Variants in ADAMTS17 observed in about 807,000 individuals in gnomAD.
ADAMTS17 encodes the protein ADAM metallopeptidase with thrombospondin type 1 motif 17.
A neutral mutation model predicts 141.5 loss-of-function variants in ADAMTS17; 113 were observed. The observed-to-expected ratio is 0.80, with a 90% CI of 0.69 to 0.93. The LOEUF (loss-of-function observed/expected upper bound fraction) is 0.93, where lower values mean the gene tolerates loss of function less well. Among genes scored for constraint, ADAMTS17 ranks in the 40% least tolerant of loss-of-function variants. The probability of loss-of-function intolerance (pLI) is 0.00; values close to 1 mark genes in which losing one functional copy is unlikely to be tolerated. For synonymous variants in ADAMTS17, 768 were observed against 630.6 expected, an observed-to-expected ratio of 1.22 and a Z score of -3.27; for missense variants, 1,659 against 1,517.9, an observed-to-expected ratio of 1.09 and a Z score of -1.54.
chr15:100,031,250 C>T (rs185120557), intron 18 of ADAMTS17, among the ~76,000 whole-genome samples: 129 of 152,270 alleles, frequency 8.5e-4, no homozygotes, highest in Non-Finnish European at 4.4e-4. Context: ...GGCTAGCTAC[C>T]GAACCTAACA....
intron 10 of ADAMTS17, among the ~76,000 whole-genome samples, chr15:100,144,700 C>A (rs2038817577): frequency 6.6e-6 from 1 of 152,002 alleles, no homozygotes; most frequent in Non-Finnish European, 1.5e-5. Context: ...CTTTCCTATC[C>A]TGGTTCACCA....
intron 1 of ADAMTS17, 86 bp from the exon 2 acceptor site, chr15:100,341,495 G>A (rs1416574606): frequency 1.0e-6 from 1 of 998,864 alleles, no homozygotes; most frequent in Admixed American, 6.0e-5. Flanking sequence ...GCCAGCGCGG[G>A]GACAGCGCGA....
At chr15:100,062,352 C>G (rs1170187790) in intron 15 of ADAMTS17, among the ~76,000 whole-genome samples, 1 of 152,130 alleles carries the variant, frequency 6.6e-6, no homozygotes, top group Non-Finnish European at 1.5e-5. Context: ...AGGGGGGGAT[C>G]CACAGAGTGT....
At chr15:100,002,544 A>T (rs1269450900) in intron 18 of ADAMTS17, among the ~76,000 whole-genome samples, 1 of 152,036 alleles carries the variant, frequency 6.6e-6, no homozygotes, top group Non-Finnish European at 1.5e-5. Flanking sequence ...TCCTGCCCTG[A>T]TGTCTCTACA....
chr15:100,310,012 G>C (rs758709087), intron 3 of ADAMTS17, among the ~76,000 whole-genome samples: 5 of 152,224 alleles, frequency 3.3e-5, no homozygotes, highest in African/African-American at 7.2e-5. Context: ...GGGATGCACA[G>C]ATGCTCTTGT....
intron 8 of ADAMTS17, among the ~76,000 whole-genome samples, chr15:100,193,765 C>A (rs2041009110): frequency 6.6e-6 from 1 of 152,216 alleles, no homozygotes; most frequent in Non-Finnish European, 1.5e-5. Flanking sequence ...CGGGCTGAGC[C>A]TCCCCACTAC....
At chr15:100,219,843 C>T (rs998483165) in intron 7 of ADAMTS17, among the ~76,000 whole-genome samples, 2 of 151,624 alleles carry the variant, frequency 1.3e-5, no homozygotes, top group African/African-American at 2.4e-5. Context: ...ACCATTCATC[C>T]CTCTAGTTCC....
intron 10 of ADAMTS17, among the ~76,000 whole-genome samples, chr15:100,140,900 C>G (rs1371082768): frequency 2.0e-5 from 3 of 152,152 alleles, no homozygotes; most frequent in African/African-American, 7.2e-5. Flanking sequence ...GGAAACACTG[C>G]TGGGCAGCAC....
At chr15:100,108,941 A>G in intron 14 of ADAMTS17, 48 bp downstream of exon 14, 1 of 1,611,130 alleles carries the variant, frequency 6.2e-7, no homozygotes, top group East Asian at 2.2e-5. Flanking sequence ...GGGGAGAGTG[A>G]GTCTCCTCTC....
At position 100,108,984 on chromosome 15, in the gene ADAMTS17, G is replaced by A. The variant is rs752117034; in HGVS notation, c.2016+5C>T. The stretch of plus-strand genomic sequence containing the variant: ...CCACCAAGGACCGAAGGAGAAGTAC[G>A]TCACCTGGCACTTGCCGTGCACGCA... On this transcript the variant is annotated splice_donor_5th_base_variant and intron_variant, in intron 14 of 21. Coordinates refer to ENST00000268070, the MANE Select transcript of ADAMTS17 (RefSeq NM_139057.4). The A allele has an allele frequency of 2.5e-6, 4 of 1,613,812 alleles. No individual in the cohort carries two copies. Among genetic ancestry groups the A allele is most frequent in the South Asian group, 1.1e-5 (1 of 91,062 alleles).
At chr15:100,136,158 T>C (rs1315706852) in intron 10 of ADAMTS17, among the ~76,000 whole-genome samples, 2 of 152,252 alleles carry the variant, frequency 1.3e-5, no homozygotes, top group Admixed American at 1.3e-4. Context: ...ATTAGTTCCA[T>C]GTTGGAAACA....
At chr15:100,227,771 G>A (rs932731069) in intron 7 of ADAMTS17, among the ~76,000 whole-genome samples, 11 of 152,218 alleles carry the variant, frequency 7.2e-5, no homozygotes, top group Admixed American at 3.9e-4. Flanking sequence ...AGGGAGACCA[G>A]GTAAGTGATT....
At chr15:100,079,933 G>A (rs184421170) in intron 15 of ADAMTS17, among the ~76,000 whole-genome samples, 5 of 152,294 alleles carry the variant, frequency 3.3e-5, no homozygotes, top group Admixed American at 2.0e-4. Context: ...TGCAAAGAAC[G>A]GTGGAATGGC....
rs756930985 is a variant in ADAMTS17 at position 100,131,997 on chromosome 15, G to A, written c.1721+10C>T. 1.2e-6 allele frequency: 2 copies of A among 1,614,186 alleles called. No individual in the cohort carries two copies. The highest frequency in any genetic ancestry group is 1.7e-5 in the Admixed American group (1 of 60,030). On this transcript the variant is annotated intron_variant, in intron 12 of 21. Coordinates refer to ENST00000268070, the MANE Select transcript of ADAMTS17 (RefSeq NM_139057.4). Reference sequence around the variant, plus strand: ...TGGCACGTTGGGGTATGGCTGGTCAGGGGACTTACGGGGGGTTGTCACATT... The same window carrying A: ...TGGCACGTTGGGGTATGGCTGGTCAAGGGACTTACGGGGGGTTGTCACATT...
chr15:100,057,019 G>A (rs374876170), intron 15 of ADAMTS17, among the ~76,000 whole-genome samples: 3 of 152,072 alleles, frequency 2.0e-5, no homozygotes, highest in East Asian at 3.9e-4. Flanking sequence ...AGGAGACAAC[G>A]CCACCCGCAG....
chr15:100,059,715 C>A (rs755681842), intron 15 of ADAMTS17, among the ~76,000 whole-genome samples: 1 of 152,174 alleles, frequency 6.6e-6, no homozygotes, highest in Admixed American at 6.5e-5. Context: ...CAATGCAGGT[C>A]ACCTCCTGGC....
At chr15:100,315,025 G>C (rs1226711631) in intron 3 of ADAMTS17, among the ~76,000 whole-genome samples, 1 of 152,232 alleles carries the variant, frequency 6.6e-6, no homozygotes, top group African/African-American at 2.4e-5. Flanking sequence ...AGGGACAAGG[G>C]GGCAAACCCC....
intron 3 of ADAMTS17, among the ~76,000 whole-genome samples, chr15:100,288,985 C>T (rs961508158): frequency 6.6e-6 from 1 of 151,862 alleles, no homozygotes; most frequent in African/African-American, 2.4e-5. Context: ...TAGCAGAAGA[C>T]AAGAAATAAC....
intron 18 of ADAMTS17, among the ~76,000 whole-genome samples, chr15:100,045,733 C>T (rs571726345): frequency 4.6e-5 from 7 of 152,232 alleles, no homozygotes; most frequent in South Asian, 4.1e-4. Context: ...TAAAAGATGG[C>T]GGGTAACTAT....
Sources: gnomAD v4.1 joint callset for allele counts (sites outside exome capture counted in the v4.1 genomes callset) on GRCh38, gnomAD v4.1.1 for gene constraint, MANE v1.5 for transcripts, NCBI Gene and HGNC (gene_info 2026-07-23, HGNC 2026-07-21) for gene names.